Variants in CLSTN2 observed in about 807,000 individuals in gnomAD.
CLSTN2 encodes the protein calsyntenin-2.
Under a neutral mutation model 101.2 loss-of-function variants are expected in CLSTN2, and 48 were observed. The ratio of observed to expected loss-of-function variants is 0.47; its 90% CI spans 0.38 to 0.60. The LOEUF is 0.60. Ranked by LOEUF, CLSTN2 falls within the 20% of genes least tolerant of loss-of-function variation. The probability of loss-of-function intolerance (pLI) is 0.00; values close to 1 mark genes in which losing one functional copy is unlikely to be tolerated. For missense variants in CLSTN2, 1,160 were observed against 1,238.2 expected (o/e 0.94, Z 0.95); for synonymous variants, 481 against 463.6 (o/e 1.04, Z -0.48).
At chr3:140,222,874 G>GAAAAAAA (rs3035937) in intron 2 of CLSTN2, among the ~76,000 whole-genome samples, 22 of 143,200 alleles carry the variant, frequency 1.5e-4, no homozygotes, top group African/African-American at 5.4e-4. Context: ...AAAATTTTAA[G>GAAAAAAA]AAAAAAAAAA....
At chr3:140,404,868 C>A in intron 4 of CLSTN2, 102 bp downstream of exon 4, 1 of 976,746 alleles carries the variant, frequency 1.0e-6, no homozygotes, top group South Asian at 1.4e-5. Context: ...CAAGTTATGC[C>A]TTTCTTGCCA....
intron 1 of CLSTN2, among the ~76,000 whole-genome samples, chr3:139,936,675 T>G (rs1354899390): frequency 1.3e-5 from 2 of 152,140 alleles, no homozygotes; most frequent in African/African-American, 4.8e-5. Flanking sequence ...GCATTACTCT[T>G]GGAGGTTGGG....
chr3:140,462,249 C>T (rs1933581791), intron 7 of CLSTN2, among the ~76,000 whole-genome samples: 2 of 152,138 alleles, frequency 1.3e-5, no homozygotes, highest in South Asian at 4.2e-4. Flanking sequence ...ATCATTTCTC[C>T]ATGTGATAAA....
At chr3:140,074,073 C>T (rs1484472182) in intron 1 of CLSTN2, among the ~76,000 whole-genome samples, 3 of 152,194 alleles carry the variant, frequency 2.0e-5, no homozygotes, top group Non-Finnish European at 4.4e-5. Context: ...GGCTACTGTG[C>T]ACACCAGCAC....
chr3:140,088,884 A>G (rs1326122414), intron 1 of CLSTN2, among the ~76,000 whole-genome samples: 1 of 152,242 alleles, frequency 6.6e-6, no homozygotes, highest in Non-Finnish European at 1.5e-5. Context: ...AATTTAGTTG[A>G]ATAATTTCAA....
chr3:139,963,501 T>G (rs1289919809), intron 1 of CLSTN2, among the ~76,000 whole-genome samples: 1 of 152,174 alleles, frequency 6.6e-6, no homozygotes, highest in African/African-American at 2.4e-5. Flanking sequence ...ATGACCCACC[T>G]TGGAGGGCCT....
chr3:140,212,073 G>C (rs182176739), intron 2 of CLSTN2, among the ~76,000 whole-genome samples: 24 of 152,212 alleles, frequency 1.6e-4, no homozygotes, highest in Admixed American at 1.6e-3. Flanking sequence ...TCTCATGAGG[G>C]GCCAAAATTC....
chr3:140,414,424 T>G (rs190301334), intron 4 of CLSTN2, among the ~76,000 whole-genome samples: 1 of 152,232 alleles, frequency 6.6e-6, no homozygotes, highest in East Asian at 1.9e-4. Flanking sequence ...TCCATGTTTA[T>G]GGATTGGAAG....
chr3:140,116,158 A>G (rs1198885579), intron 1 of CLSTN2, among the ~76,000 whole-genome samples: 1 of 152,160 alleles, frequency 6.6e-6, no homozygotes, highest in East Asian at 1.9e-4. Flanking sequence ...ATCCACCTCC[A>G]CAGTTTTTGC....
chr3:139,941,404 C>A (rs1218913183), intron 1 of CLSTN2, among the ~76,000 whole-genome samples: 2 of 152,118 alleles, frequency 1.3e-5, no homozygotes, highest in East Asian at 3.9e-4. Flanking sequence ...CCTTTTCAGC[C>A]AATTACTATT....
chr3:140,077,976 C>T (rs942007414), intron 1 of CLSTN2, among the ~76,000 whole-genome samples: 6 of 152,102 alleles, frequency 3.9e-5, no homozygotes, highest in Non-Finnish European at 7.4e-5. Flanking sequence ...AGAAATGTTG[C>T]TGGGATTGGT....
In CLSTN2 at chr3:140,214,867, T is replaced by C. The variant is rs143379883; in HGVS notation, c.232+38794T>C. ...TTCTTACACTTTGGAAAAGCGTAGG[T>C]GCCATATATTTTTGAAGTCTTTATA... On this transcript the variant is annotated intron_variant, in intron 2 of 16. Transcript: ENST00000458420. 1.1e-3 allele frequency among the ~76,000 whole-genome samples: 170 copies of C among 152,330 alleles called. 1 individual carries two copies. Among genetic ancestry groups the C allele is most frequent in the African/African-American group, 3.9e-3 (164 of 41,564 alleles).
At chr3:140,237,823 G>A (rs1000101400) in intron 2 of CLSTN2, among the ~76,000 whole-genome samples, 1 of 152,034 alleles carries the variant, frequency 6.6e-6, no homozygotes, top group African/African-American at 2.4e-5. Flanking sequence ...ATTAGATACT[G>A]TTTTTATATT....
intron 2 of CLSTN2, among the ~76,000 whole-genome samples, chr3:140,275,277 G>GTT (rs5852974): frequency 0.058 from 8,594 of 147,786 alleles, 306 homozygotes; most frequent in African/African-American, 0.11. Context: ...CTTGGGAGGA[G>GTT]TTTTTTTTTT....
intron 2 of CLSTN2, among the ~76,000 whole-genome samples, chr3:140,177,310 A>G (rs1010746699): frequency 6.6e-6 from 1 of 152,210 alleles, no homozygotes; most frequent in African/African-American, 2.4e-5. Context: ...AGTCTTTACC[A>G]CAAAAGATGA....
At chr3:140,316,316 C>T (rs1037220915) in intron 2 of CLSTN2, among the ~76,000 whole-genome samples, 1 of 152,168 alleles carries the variant, frequency 6.6e-6, no homozygotes, top group African/African-American at 2.4e-5. Context: ...CAAGATCATG[C>T]CAGTGCCAAC....
At chr3:140,328,114 A>G (rs2087348323) in intron 2 of CLSTN2, among the ~76,000 whole-genome samples, 1 of 152,208 alleles carries the variant, frequency 6.6e-6, no homozygotes, top group Non-Finnish European at 1.5e-5. Flanking sequence ...CTTCTTCTGA[A>G]GGGAACTATG....
chr3:140,514,326 T>C (rs1366064163), intron 8 of CLSTN2, among the ~76,000 whole-genome samples: 1 of 152,152 alleles, frequency 6.6e-6, no homozygotes, highest in Non-Finnish European at 1.5e-5. Context: ...CTTTGCATCC[T>C]CATAGCTTAG....
rs554232362 is a variant in CLSTN2, at chr3:140,346,699, C to T, written c.233-56930C>T. ...GTCTCTTTTCACAGTCAGCCTCTCCCTTTCCATAGTGACTCTTGGCCAGTG... is the reference window on the plus strand; with the variant it reads ...GTCTCTTTTCACAGTCAGCCTCTCCTTTTCCATAGTGACTCTTGGCCAGTG... On this transcript the variant is annotated intron_variant, in intron 2 of 16. Coordinates refer to ENST00000458420, the MANE Select transcript of CLSTN2 (RefSeq NM_022131.3). Among the ~76,000 whole-genome samples the T allele has an allele frequency of 5.3e-5, 8 of 152,352 alleles. No individual in the cohort carries two copies. The South Asian group carries it at 1.5e-3, about 28-fold the overall frequency.
Sources: allele counts gnomAD v4.1 joint callset (sites outside exome capture counted in the v4.1 genomes callset), GRCh38; gene constraint gnomAD v4.1.1; transcripts MANE v1.5; gene names NCBI Gene and HGNC (gene_info 2026-07-23, HGNC 2026-07-21).